The following PRKN variants were observed in gnomAD, a reference collection of about 807,000 sequenced individuals.
PRKN encodes E3 ubiquitin-protein ligase parkin.
Under a neutral mutation model 59.5 loss-of-function variants are expected in PRKN, and 56 were observed. The ratio of observed to expected loss-of-function variants is 0.94; its 90% CI spans 0.76 to 1.18. PRKN has a LOEUF of 1.18. Ranked by LOEUF, PRKN falls within the 50% of genes most tolerant of loss-of-function variation. PRKN has a pLI of 0.00. For synonymous variants in PRKN, 250 were observed against 222.1 expected, an observed-to-expected ratio of 1.13 and a Z score of -1.12; for missense variants, 657 against 596.4, an observed-to-expected ratio of 1.10 and a Z score of -1.06.
intron 9 of PRKN, among the ~76,000 whole-genome samples, chr6:161,532,001 G>T (rs1252835230): frequency 6.6e-6 from 1 of 152,102 alleles, no homozygotes; most frequent in Admixed American, 6.5e-5. Context: ...ATTTAATAAA[G>T]AAGGAGTTTG....
intron 2 of PRKN, among the ~76,000 whole-genome samples, chr6:162,329,792 T>C (rs1783490461): frequency 6.6e-6 from 1 of 152,140 alleles, no homozygotes; most frequent in Non-Finnish European, 1.5e-5. Context: ...ATAAATCCTG[T>C]AAAACCACAG....
In PRKN at chr6:161,912,904, C is replaced by T. The variant is rs189217280; in HGVS notation, c.734+60398G>A. ...TTAAAGACATGGGATAGGCCGGGTG[C>T]GGTGGCTCATGCCTATAATCCCAGC... On this transcript the variant is annotated intron_variant, in intron 6 of 11. Coordinates refer to ENST00000366898, the MANE Select transcript of PRKN (RefSeq NM_004562.3). 1.7e-3 allele frequency among the ~76,000 whole-genome samples: 255 copies of T among 152,162 alleles called. 1 individual carries two copies. The highest frequency in any genetic ancestry group is 5.9e-3 in the African/African-American group (244 of 41,518).
chr6:162,250,313 T>G (rs890548148), intron 3 of PRKN, among the ~76,000 whole-genome samples: 1 of 152,182 alleles, frequency 6.6e-6, no homozygotes, highest in African/African-American at 2.4e-5. Flanking sequence ...TGTACCACTT[T>G]GTAGAGGCTG....
chr6:162,035,503 A>C (rs1010101507), intron 5 of PRKN, among the ~76,000 whole-genome samples: 2 of 152,216 alleles, frequency 1.3e-5, no homozygotes, highest in African/African-American at 2.4e-5. Flanking sequence ...CTCCAGGATG[A>C]TATGCTTAAC....
intron 3 of PRKN, among the ~76,000 whole-genome samples, chr6:162,254,364 G>C (rs144493666): frequency 2.0e-5 from 3 of 151,878 alleles, no homozygotes; most frequent in Non-Finnish European, 4.4e-5. Flanking sequence ...GGCTGAGGGA[G>C]GAGAATTGCT....
chr6:161,853,198 T>C (rs1793507766), intron 6 of PRKN, among the ~76,000 whole-genome samples: 1 of 152,202 alleles, frequency 6.6e-6, no homozygotes, highest in Non-Finnish European at 1.5e-5. Flanking sequence ...TGGGCTCTGA[T>C]AGAATGTGAT....
In PRKN at chr6:162,235,490, C is replaced by T. The variant is rs927243199; in HGVS notation, c.412+27035G>A. ...TGAATTTTACCTGAGGTCTGAGCCCCTGGAAAACAATGAAAATTAAAGAAA... is the reference window on the plus strand; with the variant it reads ...TGAATTTTACCTGAGGTCTGAGCCCTTGGAAAACAATGAAAATTAAAGAAA... On this transcript the variant is annotated intron_variant, in intron 3 of 11. Coordinates refer to ENST00000366898, the MANE Select transcript of PRKN (RefSeq NM_004562.3). 3.3e-5 allele frequency among the ~76,000 whole-genome samples: 5 copies of T among 152,054 alleles called. No individual in the cohort carries two copies. In the East Asian group the frequency reaches 9.7e-4, roughly 29 times the overall value.
chr6:162,447,884 C>T (rs1790397695), intron 1 of PRKN, among the ~76,000 whole-genome samples: 1 of 152,118 alleles, frequency 6.6e-6, no homozygotes, highest in South Asian at 2.1e-4. Flanking sequence ...CTGGCACTCC[C>T]CTTGTTCCAG....
In PRKN at chr6:161,359,126, C is replaced by G. The variant is rs1190193814; in HGVS notation, c.1285+962G>C. ...GCTCTTTATAGGTGCATGCCAATCC[C>G]TTCATTTTCTAGGAGCACTGCTGCA... On this transcript the variant is annotated intron_variant, in intron 11 of 11. Coordinates refer to ENST00000366898, the MANE Select transcript of PRKN (RefSeq NM_004562.3). The surrounding 1 kb of genome is among the most constrained non-coding windows in gnomAD (Gnocchi z 5.4). Among the ~76,000 whole-genome samples, 1 of 152,110 alleles carries G rather than the reference C, an allele frequency of 6.6e-6. No homozygotes were observed. Among genetic ancestry groups the G allele is most frequent in the Non-Finnish European group, 1.5e-5 (1 of 68,024 alleles).
Position 161,904,392 on chromosome 6 carries a change from T to C in PRKN, c.734+68910A>G, listed in dbSNP as rs529136569. 1.7e-3 allele frequency among the ~76,000 whole-genome samples: 238 copies of C among 140,748 alleles called. 1 individual carries two copies. The highest frequency in any genetic ancestry group is 3.1e-3 in the Non-Finnish European group (207 of 66,070). The allele number at this position is 140,748 out of a possible 152,430, so 92.3% of individuals were successfully genotyped here. ...GTGCAGTGGCACGATCTCAGCTCAC[T>C]GCAACCTCCACCTCCTGGGTTCATG... On this transcript the variant is annotated intron_variant, in intron 6 of 11. Coordinates refer to ENST00000366898, the MANE Select transcript of PRKN (RefSeq NM_004562.3).
At chr6:161,639,007 G>A (rs989974818) in intron 7 of PRKN, among the ~76,000 whole-genome samples, 1 of 152,100 alleles carries the variant, frequency 6.6e-6, no homozygotes, top group Non-Finnish European at 1.5e-5. Context: ...CTCCCAAAGT[G>A]CTGGGATTAC....
chr6:162,263,670 A>G (rs903824281), intron 2 of PRKN, among the ~76,000 whole-genome samples: 3 of 152,194 alleles, frequency 2.0e-5, no homozygotes, highest in Non-Finnish European at 4.4e-5. Flanking sequence ...TCTACTACAT[A>G]GGGCCGGCCG....
intron 5 of PRKN, among the ~76,000 whole-genome samples, chr6:162,052,598 C>G (rs969103068): frequency 6.6e-6 from 1 of 152,120 alleles, no homozygotes; most frequent in Non-Finnish European, 1.5e-5. Context: ...GCCCAGTACC[C>G]AGGACTACAA....
intron 3 of PRKN, among the ~76,000 whole-genome samples, chr6:162,205,736 A>T (rs1016978291): frequency 2.8e-5 from 4 of 142,040 alleles, no homozygotes; most frequent in Non-Finnish European, 4.7e-5. Flanking sequence ...ATATTAATAT[A>T]TACACACACA....
Position 161,352,534 on chromosome 6 carries a change from C to T in PRKN, c.1286-2323G>A, listed in dbSNP as rs1401536315. On this transcript the variant is annotated intron_variant, in intron 11 of 11. Transcript: ENST00000366898. This position sits in a 1 kb window ranked among gnomAD's most constrained non-coding sequence, Gnocchi z 5.8. The stretch of plus-strand genomic sequence containing the variant: ...AAAACCACTTGTTTCTCTAAAATAT[C>T]ATAAATATTTTATCATATCATAAAT... Among the ~76,000 whole-genome samples the T allele has an allele frequency of 6.6e-6, 1 of 151,452 alleles. No homozygotes were observed. The highest frequency in any genetic ancestry group is 1.5e-5 in the Non-Finnish European group (1 of 67,860).
chr6:161,751,930 C>G (rs777472973), intron 7 of PRKN, among the ~76,000 whole-genome samples: 1 of 152,088 alleles, frequency 6.6e-6, no homozygotes, highest in East Asian at 1.9e-4. Flanking sequence ...GTGCAAAGGC[C>G]CTGCACGGGA....
chr6:161,545,135 C>G lies in PRKN; in HGVS notation c.1083+3719G>C. 1 of 1,278,658 alleles carries G rather than the reference C, an allele frequency of 7.8e-7. No individual in the cohort carries two copies. The highest frequency in any genetic ancestry group is 9.9e-7 in the Non-Finnish European group (1 of 1,013,504). 79.2% of individuals were successfully genotyped at this position (1,278,658 alleles called of 1,614,324 possible). On this transcript the variant is annotated intron_variant, in intron 9 of 11. Transcript: ENST00000366898. This position sits in a 1 kb window ranked among gnomAD's most constrained non-coding sequence, Gnocchi z 4.1. Reference sequence around the variant, plus strand: ...GAATTTGGTTTTCAACTTTTTTATACGCGATTTTTTTTGTAACAGCTAACA... The same window carrying G: ...GAATTTGGTTTTCAACTTTTTTATAGGCGATTTTTTTTGTAACAGCTAACA...
At chr6:161,690,823 G>A (rs961364747) in intron 7 of PRKN, among the ~76,000 whole-genome samples, 26 of 152,248 alleles carry the variant, frequency 1.7e-4, no homozygotes, top group African/African-American at 5.3e-4. Flanking sequence ...GCCTTCAAAC[G>A]GCATCAGCAG....
chr6:161,635,813 T>A (rs565214990), intron 7 of PRKN, among the ~76,000 whole-genome samples: 2 of 152,190 alleles, frequency 1.3e-5, no homozygotes, highest in African/African-American at 2.4e-5. Context: ...CTCAGAACTT[T>A]AAGTAACTAA....
Sources: allele counts gnomAD v4.1 joint callset (sites outside exome capture counted in the v4.1 genomes callset), GRCh38; gene constraint gnomAD v4.1.1; non-coding constraint Gnocchi (gnomAD v3.1); transcripts MANE v1.5; gene names NCBI Gene and HGNC (gene_info 2026-07-23, HGNC 2026-07-21).